The following LAMA1 variants were observed in gnomAD, a reference collection of about 807,000 sequenced individuals.
LAMA1 encodes laminin subunit alpha-1.
In LAMA1, 219 loss-of-function variants were observed where a neutral mutation model predicts 348.7. That is an observed-to-expected ratio of 0.63 (90% CI 0.56 to 0.70). The LOEUF is 0.70. LAMA1 is among the 30% of genes least tolerant of loss of function. The probability of loss-of-function intolerance (pLI) is 0.00; values close to 1 mark genes in which losing one functional copy is unlikely to be tolerated. For missense variants in LAMA1, 3,744 were observed against 3,888.0 expected (o/e 0.96, Z 0.99); for synonymous variants, 1,487 against 1,491.0 (o/e 1.00, Z 0.06).
At chr18:6,969,694 C>T (rs1455808107) in intron 48 of LAMA1, among the ~76,000 whole-genome samples, 1 of 152,140 alleles carries the variant, frequency 6.6e-6, no homozygotes, top group Non-Finnish European at 1.5e-5. Context: ...AGCTGGGTGG[C>T]CAGCCCTCCG....
chr18:6,970,700 C>T (rs898273359), intron 48 of LAMA1, among the ~76,000 whole-genome samples: 3 of 151,634 alleles, frequency 2.0e-5, no homozygotes. Context: ...CTTGGCTCTG[C>T]CTCCCGGGTT....
At chr18:7,010,057 T>G (rs2057852404) in intron 26 of LAMA1, 143 bp downstream of exon 26, 4 of 856,378 alleles carry the variant, frequency 4.7e-6, no homozygotes, top group Non-Finnish European at 7.6e-6. Context: ...TCCACCCACC[T>G]CGGCTTCTCA....
Position 7,038,917 on chromosome 18 carries a change from T to C in LAMA1, c.1456A>G (p.Lys486Glu), listed in dbSNP as rs1036090593. 6.2e-7 allele frequency: 1 copy of C among 1,613,938 alleles called. No individual in the cohort carries two copies. Among genetic ancestry groups the C allele is most frequent in the Non-Finnish European group, 8.5e-7 (1 of 1,179,922 alleles). The change falls in exon 11 of 63, where the codon AAG becomes GAG. Residue 486 changes from lysine (K) to glutamate (E), a missense_variant. Physicochemically the swap from Lys to Glu is moderately conservative, Grantham distance 56 (BLOSUM62 1). Coordinates refer to ENST00000389658, the MANE Select transcript of LAMA1 (RefSeq NM_005559.4). ...TCCTTCAAGTTATAGAATCCTGGCT[T>C]GCAGCGATCACAGGCCTTCCCCTCA... ...NVEGKACDRC[K>E]PGFYNLKEKN...
rs547747946 is a variant in LAMA1, at chr18:6,948,485, C to T, written c.8628G>A (p.Pro2876=). 19 of 1,614,126 alleles carry T rather than the reference C, an allele frequency of 1.2e-5. No individual in the cohort carries two copies. The highest frequency in any genetic ancestry group is 1.6e-4 in the Middle Eastern group (1 of 6,062). ...ACCTGTTCACCGTGAAGGCAGACAC[C>T]GGGCTGTCCTTGTCCAGCTGTTTGC... ...VNSKQLDKDS[P]VSAFTVNRCY... Residue 2876 remains proline (P), a synonymous_variant, in exon 60 of 63, where the codon CCG becomes CCA. Transcript: ENST00000389658.
At position 7,024,448 on chromosome 18, in the gene LAMA1, G is replaced by T. The variant is rs778785050; in HGVS notation, c.2421C>A (p.His807Gln). 3.7e-6 allele frequency: 6 copies of T among 1,613,984 alleles called. No homozygotes were observed. The highest frequency in any genetic ancestry group is 5.1e-6 in the Non-Finnish European group (6 of 1,179,942). Reference sequence around the variant, plus strand: ...AGACCACTTCATCTCCATCATTGAGGTGGCAGGTGGGGCTGAAACTGTCAA... The same window carrying T: ...AGACCACTTCATCTCCATCATTGAGTTGGCAGGTGGGGCTGAAACTGTCAA... ...IASNNFSPTC[H>Q]LNDGDEVVCD... is the part of the protein sequence containing the mutation. The change falls in exon 18 of 63, where the codon CAC becomes CAA. Residue 807 changes from histidine (H) to glutamine (Q), a missense_variant. Physicochemically the swap from His to Gln is conservative, Grantham distance 24. Coordinates refer to ENST00000389658, the MANE Select transcript of LAMA1 (RefSeq NM_005559.4).
chr18:7,027,456 C>T (rs2057948940), intron 16 of LAMA1, among the ~76,000 whole-genome samples: 1 of 151,346 alleles, frequency 6.6e-6, no homozygotes, highest in Non-Finnish European at 1.5e-5. Context: ...TCTTACAAAT[C>T]TTGGGTAAAC....
intron 1 of LAMA1, among the ~76,000 whole-genome samples, chr18:7,091,412 T>A (rs1311498291): frequency 6.6e-6 from 1 of 152,228 alleles, no homozygotes; most frequent in Non-Finnish European, 1.5e-5. Flanking sequence ...CTATATTAAA[T>A]TTTGCTTATA....
Position 7,012,119 on chromosome 18 carries a change from T to A in LAMA1, c.3383A>T (p.Gln1128Leu), listed in dbSNP as rs1432522906. ...CPCKENVFGPQCNECREGTFA... is the reference protein window; with the variant it reads ...CPCKENVFGPLCNECREGTFA... ...GGTGCCCTCTCGACATTCGTTGCAC[T>A]GAGGACCAAAGACATTTTCCTACAG... is the stretch of plus-strand genomic sequence containing the variant. The change falls in exon 24 of 63, where the codon CAG becomes CTG. Residue 1128 changes from glutamine (Q) to leucine (L), a missense_variant. Coordinates refer to ENST00000389658, the MANE Select transcript of LAMA1 (RefSeq NM_005559.4). The A allele has an allele frequency of 1.9e-6, 3 of 1,613,880 alleles. No individual in the cohort carries two copies. The highest frequency in any genetic ancestry group is 2.7e-5 in the African/African-American group (2 of 74,944).
At position 7,013,728 on chromosome 18, in the gene LAMA1, C is replaced by T; in HGVS notation, c.3363+87G>A. The T allele has an allele frequency of 7.6e-6, 10 of 1,312,098 alleles. 1 individual carries two copies. The South Asian group carries it at 1.2e-4, about 16-fold the overall frequency. The allele number at this position is 1,312,098 out of a possible 1,614,324, so 81.3% of individuals were successfully genotyped here. A position where few individuals can be genotyped will look rare whatever the true frequency, so the allele number is the denominator to read the frequency against. On this transcript the variant is annotated intron_variant, in intron 23 of 62. Coordinates refer to ENST00000389658, the MANE Select transcript of LAMA1 (RefSeq NM_005559.4). The stretch of plus-strand genomic sequence containing the variant: ...AACTCACTAGGAAAAGCATCCAAAA[C>T]CTGGCTGCTTAGGTAAGTAGTCAAA...
intron 36 of LAMA1, among the ~76,000 whole-genome samples, chr18:6,990,865 T>G (rs1009675413): frequency 3.3e-5 from 5 of 152,246 alleles, no homozygotes; most frequent in African/African-American, 1.2e-4. Context: ...TGTGGTCAGG[T>G]TTCATATTGT....
intron 54 of LAMA1, among the ~76,000 whole-genome samples, chr18:6,958,920 T>C (rs1383774575): frequency 6.7e-6 from 1 of 150,194 alleles, no homozygotes; most frequent in Non-Finnish European, 1.5e-5. Flanking sequence ...TTCTTTTTCT[T>C]TTTTTTTTAA....
Position 7,016,502 on chromosome 18 carries a change from C to T in LAMA1, c.2978G>A (p.Gly993Asp), listed in dbSNP as rs146026654. The T allele has an allele frequency of 6.2e-7, 1 of 1,614,096 alleles. No homozygotes were observed. The highest frequency in any genetic ancestry group is 1.3e-5 in the African/African-American group (1 of 74,940). ...AAATCAAGGCTTACGTGTACAGCTA[C>T]CATCCTGGTAGGCGTAGAAGCCATG... Reference protein sequence around the residue: ...CAHGFYAYQDGSCTPCDCPHT... With the variant: ...CAHGFYAYQDDSCTPCDCPHT... Residue 993 changes from glycine (G) to aspartate (D), a missense_variant, in exon 21 of 63, where the codon GGT becomes GAT. Around this residue, in one of 3 missense-constraint regions of LAMA1, gnomAD observed 1,529 missense variants for 1,689.4 expected, o/e 0.91. Transcript: ENST00000389658.
chr18:6,958,258 C>T (rs752958546), intron 55 of LAMA1, among the ~76,000 whole-genome samples: 16 of 152,016 alleles, frequency 1.1e-4, no homozygotes, highest in South Asian at 4.2e-4. Flanking sequence ...TAATGTTCAG[C>T]GATGGTTTTT....
rs746999059 is a variant in LAMA1, at chr18:7,009,348, T to A, written c.3892A>T (p.Asn1298Tyr). 25 of 1,613,968 alleles carry A rather than the reference T, an allele frequency of 1.5e-5. No individual in the cohort carries two copies. Residue 1298 changes from asparagine to tyrosine, a missense_variant, in exon 27 of 63, where the codon AAC (asparagine) becomes TAC (tyrosine). Around this residue, in one of 3 missense-constraint regions of LAMA1, gnomAD observed 1,983 missense variants for 1,934.3 expected, o/e 1.03. Transcript: ENST00000389658. The part of the protein sequence containing the change: ...AMRENFWKYF[N>Y]SVSEKPVTRE... The stretch of plus-strand genomic sequence containing the variant: ...GTGACAGGTTTTTCAGAAACAGAGT[T>A]AAAATATTTCCAAAAATTCTGTAGA...
rs771017428 is a variant in LAMA1 at position 6,975,039 on chromosome 18, G to A, written c.6490-3C>T. The A allele has an allele frequency of 3.1e-6, 5 of 1,613,166 alleles. No individual in the cohort carries two copies. Among genetic ancestry groups the A allele is most frequent in the Non-Finnish European group, 4.2e-6 (5 of 1,179,626 alleles). On this transcript the variant is annotated splice_region_variant and splice_polypyrimidine_tract_variant and intron_variant, in intron 45 of 62. Coordinates refer to ENST00000389658, the MANE Select transcript of LAMA1 (RefSeq NM_005559.4). ...ATCTCCACTGCAAGGAAATCAGACT[G>A]GGGGGCGAGGAATGAACGGGGATCA...
chr18:7,103,830 A>G (rs2058301200), intron 1 of LAMA1, among the ~76,000 whole-genome samples: 1 of 151,514 alleles, frequency 6.6e-6, no homozygotes, highest in South Asian at 2.1e-4. Flanking sequence ...AAAAAAAAAA[A>G]ATCCTGCCTG....
Position 6,978,394 on chromosome 18 carries a change from A to C in LAMA1, c.6008-16T>G. On this transcript the variant is annotated splice_polypyrimidine_tract_variant and intron_variant, in intron 42 of 62. Coordinates refer to ENST00000389658, the MANE Select transcript of LAMA1 (RefSeq NM_005559.4). The stretch of plus-strand genomic sequence containing the variant: ...TCTCTTATACCTAAAATAAATGTAT[A>C]TAAAAGCATGCACTTCTGGTGCTTA... The C allele has an allele frequency of 6.2e-7, 1 of 1,610,842 alleles. No individual in the cohort carries two copies. Among genetic ancestry groups the C allele is most frequent in the South Asian group, 1.1e-5 (1 of 91,038 alleles).
In LAMA1 at chr18:6,942,123, G is replaced by A. The variant is rs776280581; in HGVS notation, c.9184C>T (p.Leu3062=). 2.5e-6 allele frequency: 4 copies of A among 1,614,194 alleles called. No homozygotes were observed. The South Asian group carries it at 4.4e-5, about 18-fold the overall frequency. The change falls in exon 63 of 63, where the codon CTG becomes TTG. Residue 3062 remains leucine, a synonymous_variant. Coordinates refer to ENST00000389658, the MANE Select transcript of LAMA1 (RefSeq NM_005559.4). ...QSFDFSRAFE[L]HGVFLHSCPG... is the part of the protein sequence containing the mutation. Reference sequence around the variant, plus strand: ...CAGGAATGAAGGAAAACTCCGTGCAGTTCGAACGCTCTGCTGAAGTCAAAG... The same window carrying A: ...CAGGAATGAAGGAAAACTCCGTGCAATTCGAACGCTCTGCTGAAGTCAAAG...
intron 36 of LAMA1, 125 bp downstream of exon 36, chr18:6,992,436 C>G (rs559258764): frequency 9.3e-7 from 1 of 1,077,440 alleles, no homozygotes; most frequent in Non-Finnish European, 1.4e-6. Context: ...GGCCCCTTCT[C>G]CTCTCTTAGG....
Sources: allele counts gnomAD v4.1 joint callset (sites outside exome capture counted in the v4.1 genomes callset), GRCh38; gene constraint gnomAD v4.1.1; regional missense constraint gnomAD v4.1.1; transcripts MANE v1.5; gene names NCBI Gene and HGNC (gene_info 2026-07-23, HGNC 2026-07-21).